CC2D2B: variants seen among roughly 807,000 people sequenced by gnomAD.
The protein encoded by CC2D2B is coiled-coil and C2 domain containing 2B.
CC2D2B carries 128 observed loss-of-function variants against 161.2 expected under a neutral mutation model. The ratio of observed to expected loss-of-function variants is 0.79; its 90% CI spans 0.69 to 0.92. The LOEUF is 0.92. CC2D2B is among the 40% of genes least tolerant of loss of function. The pLI, the probability that CC2D2B is intolerant of heterozygous loss-of-function variation, is 0.00. For synonymous variants in CC2D2B, 391 were observed against 449.8 expected (o/e 0.87, Z 1.65); for missense variants, 1,173 against 1,375.1 (o/e 0.85, Z 2.32).
chr10:95,920,009 T>G (rs1463912578), intron 2 of CC2D2B: 1 of 151,562 alleles, frequency 6.6e-6, no homozygotes, highest in African/African-American at 2.4e-5. Flanking sequence ...AAGGGGTTTT[T>G]AGTCAGCAGT....
At chr10:95,973,616 T>G (rs2077213632) in intron 16 of CC2D2B, among the ~76,000 whole-genome samples, 1 of 152,096 alleles carries the variant, frequency 6.6e-6, no homozygotes, top group Non-Finnish European at 1.5e-5. Context: ...CCTAGCACTT[T>G]GGGAGGCCCA....
At chr10:95,914,136 G>A (rs987702644) in intron 2 of CC2D2B, among the ~76,000 whole-genome samples, 6 of 152,022 alleles carry the variant, frequency 3.9e-5, no homozygotes, top group Admixed American at 1.3e-4. Context: ...TTTGATTTTT[G>A]TATATGGTGA....
intron 6 of CC2D2B, among the ~76,000 whole-genome samples, chr10:95,931,142 A>G (rs183736669): frequency 3.4e-4 from 52 of 152,186 alleles, no homozygotes; most frequent in African/African-American, 1.3e-3. Context: ...GAATTTATCC[A>G]TTTCTTCTAG....
intron 32 of CC2D2B, among the ~76,000 whole-genome samples, chr10:96,024,023 C>T (rs2079581609): frequency 6.6e-6 from 1 of 152,206 alleles, no homozygotes; most frequent in African/African-American, 2.4e-5. Context: ...GCCTCTTCCT[C>T]AGCTCAGGAA....
chr10:95,940,968 C>T (rs2076001341), intron 9 of CC2D2B, among the ~76,000 whole-genome samples: 1 of 152,080 alleles, frequency 6.6e-6, no homozygotes, highest in African/African-American at 2.4e-5. Flanking sequence ...TTAATCAAAA[C>T]AGGATGGTAC....
In CC2D2B at chr10:95,950,017, A is replaced by C. The variant is rs1050268805; in HGVS notation, c.923A>C (p.Glu308Ala). ...QFSHHHLFNQ[E>A]QVLCARLLQL... ...AGCCATCATCATCTCTTCAATCAAG[A>C]GCAAGTATTATGCGCAAGGCTTCTC... The change falls in exon 10 of 35, where the codon GAG (glutamate) becomes GCG (alanine). Residue 308 changes from glutamate (E) to alanine (A), a missense_variant. This residue lies in a region of CC2D2B where 298 missense variants were observed against 261.2 expected (regional missense o/e 1.14). Transcript: ENST00000646931. 15 of 398,842 alleles carry C rather than the reference A, an allele frequency of 3.8e-5. No individual in the cohort carries two copies. The South Asian group carries it at 1.9e-3, about 51-fold the overall frequency. 24.7% of individuals were successfully genotyped at this position (398,842 alleles called of 1,614,324 possible). A position where few individuals can be genotyped will look rare whatever the true frequency, so the allele number is the denominator to read the frequency against.
chr10:96,016,141 C>T (rs1045024251), intron 29 of CC2D2B, 60 bp from the exon 30 acceptor site: 8 of 1,066,312 alleles, frequency 7.5e-6, no homozygotes, highest in South Asian at 2.6e-5. Context: ...TGGATGCTTG[C>T]GTTACTCAAC....
intron 28 of CC2D2B, among the ~76,000 whole-genome samples, 161 bp downstream of exon 28, chr10:96,012,890 A>G (rs2079050759): frequency 6.6e-6 from 1 of 152,210 alleles, no homozygotes; most frequent in Non-Finnish European, 1.5e-5. Flanking sequence ...GGACTCTTTA[A>G]GCTAAAATCA....
intron 30 of CC2D2B, among the ~76,000 whole-genome samples, chr10:96,016,647 T>A (rs1377031578): frequency 6.6e-6 from 1 of 152,184 alleles, no homozygotes. Flanking sequence ...GTGGTGGTAA[T>A]GTAGTAATAG....
chr10:95,990,883 GCA>G (rs1448347655), intron 20 of CC2D2B, among the ~76,000 whole-genome samples: 2 of 152,184 alleles, frequency 1.3e-5, no homozygotes, highest in Non-Finnish European at 2.9e-5. Context: ...CTTCCTTCAA[GCA>G]CTGACTTTCT....
chr10:95,980,457 A>C (rs1283380286), intron 17 of CC2D2B, among the ~76,000 whole-genome samples: 1 of 152,150 alleles, frequency 6.6e-6, no homozygotes, highest in East Asian at 1.9e-4. Flanking sequence ...TATAACGGGA[A>C]AAGTTTCTAA....
intron 17 of CC2D2B, among the ~76,000 whole-genome samples, chr10:95,981,220 C>T (rs558466900): frequency 1.3e-5 from 2 of 152,098 alleles, no homozygotes; most frequent in African/African-American, 2.4e-5. Flanking sequence ...GGTGAAATGC[C>T]CTCTCTACTA....
chr10:96,019,620 G>C, intron 31 of CC2D2B, 82 bp from the exon 32 acceptor site: 2 of 1,372,374 alleles, frequency 1.5e-6, no homozygotes, highest in Non-Finnish European at 9.8e-7. Context: ...TAGTAAGACT[G>C]TAAAATTTTG....
chr10:95,914,976 T>C (rs73315285), intron 2 of CC2D2B, among the ~76,000 whole-genome samples: 5,032 of 152,310 alleles, frequency 0.033, 126 homozygotes, highest in South Asian at 0.083. Flanking sequence ...TTGATAGGGA[T>C]TGGATTGAAT....
At chr10:95,994,199 G>A (rs1417904886) in intron 22 of CC2D2B, among the ~76,000 whole-genome samples, 1 of 151,118 alleles carries the variant, frequency 6.6e-6, no homozygotes, top group Non-Finnish European at 1.5e-5. Context: ...AAAGGGGGCA[G>A]GGTAAGGAGG....
chr10:96,005,388 G>C (rs1391375734), intron 25 of CC2D2B, among the ~76,000 whole-genome samples: 1 of 151,948 alleles, frequency 6.6e-6, no homozygotes, highest in African/African-American at 2.4e-5. Context: ...CTTTAAAAAA[G>C]GAAAGGGCCT....
At chr10:95,972,627 G>A (rs2077176436) in intron 16 of CC2D2B, among the ~76,000 whole-genome samples, 2 of 152,180 alleles carry the variant, frequency 1.3e-5, no homozygotes, top group East Asian at 3.9e-4. Flanking sequence ...TGTTTATTCT[G>A]TTAAAAATGA....
chr10:96,029,271 T>TAC (rs2079941224), intron 34 of CC2D2B, among the ~76,000 whole-genome samples: 2 of 67,874 alleles, frequency 2.9e-5, no homozygotes, highest in Admixed American at 1.6e-4. Flanking sequence ...TATATATATA[T>TAC]ATATATATAT....
intron 24 of CC2D2B, among the ~76,000 whole-genome samples, chr10:96,003,021 A>AATAAATATATATATATATATAT (rs1366887388): frequency 7.1e-6 from 1 of 140,704 alleles, no homozygotes; most frequent in Non-Finnish European, 1.5e-5. Context: ...AAAATAAATA[A>AATAAATATATATATATATATAT]ATATATATAT....
Sources: gnomAD v4.1 joint callset for allele counts (sites outside exome capture counted in the v4.1 genomes callset) on GRCh38, gnomAD v4.1.1 for gene constraint, gnomAD v4.1.1 regional missense constraint, MANE v1.5 for transcripts, NCBI Gene and HGNC (gene_info 2026-07-23, HGNC 2026-07-21) for gene names.